The following SHPRH variants were observed in gnomAD, a reference collection of about 807,000 sequenced individuals.
SHPRH encodes E3 ubiquitin-protein ligase SHPRH.
A neutral mutation model predicts 202.5 loss-of-function variants in SHPRH; 106 were observed. That is an observed-to-expected ratio of 0.52 (90% CI 0.45 to 0.62). SHPRH has a LOEUF of 0.62. Among genes scored for constraint, SHPRH ranks in the 20% least tolerant of loss-of-function variants. The pLI, the probability that SHPRH is intolerant of heterozygous loss-of-function variation, is 0.00. For synonymous variants in SHPRH, 729 were observed against 686.0 expected (o/e 1.06, Z -0.98); for missense variants, 1,710 against 2,020.0 (o/e 0.85, Z 2.94).
At chr6:145,883,807 T>G (rs990701198), downstream of SHPRH, 1 of 152,236 alleles carries the variant, frequency 6.6e-6, no homozygotes, top group Non-Finnish European at 1.5e-5. Flanking sequence ...CACTCATTTT[T>G]TTTTTTACAT....
At chr6:145,929,896 T>A (rs938198538) in intron 14 of SHPRH, among the ~76,000 whole-genome samples, 1 of 152,116 alleles carries the variant, frequency 6.6e-6, no homozygotes, top group African/African-American at 2.4e-5. Context: ...CCATAACCAA[T>A]AACATCATTC....
chr6:145,941,629 T>C lies in SHPRH; in HGVS notation c.2484A>G (p.Thr828=). ...LDEAQMVECP[T]VKAAEMAQRL... is the part of the protein sequence containing the mutation. The stretch of plus-strand genomic sequence containing the variant: ...ATTTTGCAGAAACTCTCACTTTTAC[T>C]GTGGGACACTCAACCATCTGAGCTT... The change falls in exon 10 of 30, where the codon ACA becomes ACG. Residue 828 remains threonine, a synonymous_variant. Coordinates refer to ENST00000275233, the MANE Select transcript of SHPRH (RefSeq NM_001042683.3). 6.2e-7 allele frequency: 1 copy of C among 1,613,754 alleles called. No homozygotes were observed. Among genetic ancestry groups the C allele is most frequent in the Non-Finnish European group, 8.5e-7 (1 of 1,179,780 alleles).
At chr6:145,902,976 G>C (rs1169356057) in intron 25 of SHPRH, among the ~76,000 whole-genome samples, 4 of 151,998 alleles carry the variant, frequency 2.6e-5, no homozygotes, top group Non-Finnish European at 5.9e-5. Context: ...GCAAGCTATG[G>C]CTAACTTTAA....
chr6:145,867,208 T>C (rs546797405), intron 2 of SHPRH, among the ~76,000 whole-genome samples: 4 of 152,214 alleles, frequency 2.6e-5, no homozygotes, highest in East Asian at 1.9e-4. Flanking sequence ...ACAGGTGCAC[T>C]AAACATCTTG....
At chr6:145,911,094 G>A (rs1381031411) in intron 24 of SHPRH, among the ~76,000 whole-genome samples, 1 of 151,904 alleles carries the variant, frequency 6.6e-6, no homozygotes, top group African/African-American at 2.4e-5. Flanking sequence ...AAATGGTTCT[G>A]GTTATTTAAA....
chr6:145,927,642 C>T (rs1011781165), intron 14 of SHPRH, among the ~76,000 whole-genome samples: 2 of 151,270 alleles, frequency 1.3e-5, no homozygotes, highest in Non-Finnish European at 3.0e-5. Flanking sequence ...AATCAGTAGT[C>T]ATTATGATGT....
chr6:145,945,383 G>A lies in SHPRH; in HGVS notation c.1576C>T (p.Gln526Ter). Residue 526 changes from glutamine to a stop codon, truncating the protein, a stop_gained and splice_region_variant, in exon 8 of 30, where the codon CAG becomes TAG. Coordinates refer to ENST00000275233, the MANE Select transcript of SHPRH (RefSeq NM_001042683.3). LOFTEE classifies it high-confidence loss of function. ...GAGCTGAACTTAAGCTCTGTTACCT[G>A]CTTTTTTGTTTTATCACATATATCC... ...EEDICDKTKK[Q>*]AVGSPRKIQK... is the part of the protein sequence containing the mutation. 3 of 1,608,152 alleles carry A rather than the reference G, an allele frequency of 1.9e-6. No individual in the cohort carries two copies. Among genetic ancestry groups the A allele is most frequent in the Non-Finnish European group, 2.5e-6 (3 of 1,177,768 alleles).
At chr6:145,924,916 A>G in intron 16 of SHPRH, 70 bp from the exon 17 acceptor site, 1 of 1,228,342 alleles carries the variant, frequency 8.1e-7, no homozygotes, top group South Asian at 1.3e-5. Context: ...TGTTTCAAGA[A>G]GAATGGGTCA....
At chr6:145,890,605 C>T (rs1363423572) in intron 28 of SHPRH, among the ~76,000 whole-genome samples, 1 of 152,130 alleles carries the variant, frequency 6.6e-6, no homozygotes, top group South Asian at 2.1e-4. Flanking sequence ...CTTTGGTGCC[C>T]TGGAGTTCAG....
chr6:145,893,187 T>C, intron 28 of SHPRH, 28 bp downstream of exon 28: 1 of 1,485,510 alleles, frequency 6.7e-7, no homozygotes, highest in Non-Finnish European at 8.9e-7. Flanking sequence ...CTGAAGCAAA[T>C]GTGACTGATT....
chr6:145,940,911 G>A, intron 10 of SHPRH, 110 bp from the exon 11 acceptor site: 2 of 953,482 alleles, frequency 2.1e-6, no homozygotes, highest in Admixed American at 2.0e-5. Context: ...CACTTCTGGT[G>A]AGATGTACCT....
chr6:145,922,681 G>T lies in SHPRH; in HGVS notation c.3701C>A (p.Ala1234Asp), dbSNP rs1408162293. ...ESATVCHLRP[A>D]RLPLNCCVFC... Reference sequence around the variant, plus strand: ...TACCTACCAGTTGAGAGGAAGTCTGGCTGGTCGGAGGTGACAGACTGTTGC... The same window carrying T: ...TACCTACCAGTTGAGAGGAAGTCTGTCTGGTCGGAGGTGACAGACTGTTGC... Residue 1234 changes from alanine (A) to aspartate (D), a missense_variant, in exon 19 of 30, where the codon GCC (alanine) becomes GAC (aspartate). Transcript: ENST00000275233. 4.4e-6 allele frequency: 7 copies of T among 1,605,656 alleles called. No homozygotes were observed. Among genetic ancestry groups the T allele is most frequent in the Non-Finnish European group, 5.9e-6 (7 of 1,176,630 alleles).
chr6:145,936,878 T>C (rs1258370919), intron 11 of SHPRH, among the ~76,000 whole-genome samples: 1 of 152,018 alleles, frequency 6.6e-6, no homozygotes, highest in African/African-American at 2.4e-5. Flanking sequence ...TCAAATCAAT[T>C]CAATTGCTAT....
rs754346455 is a variant in SHPRH, at chr6:145,952,335, A to C, written c.763+14T>G. 2 of 1,576,912 alleles carry C rather than the reference A, an allele frequency of 1.3e-6. No individual in the cohort carries two copies. Among genetic ancestry groups the C allele is most frequent in the Admixed American group, 1.8e-5 (1 of 55,998 alleles). On this transcript the variant is annotated intron_variant, in intron 3 of 29. Transcript: ENST00000275233. ...CTAAGTAATAGCAATTTTTAAGTTT[A>C]CTGTAAATATTACCTGGAATAATAG... is the stretch of plus-strand genomic sequence containing the variant.
chr6:145,884,116 T>C (rs1780791691), downstream of SHPRH: 1 of 152,212 alleles, frequency 6.6e-6, no homozygotes, highest in Non-Finnish European at 1.5e-5. Flanking sequence ...GTTAAATTCA[T>C]TTCCTAAATA....
At chr6:145,875,716 T>G (rs375221855) in intron 2 of SHPRH, among the ~76,000 whole-genome samples, 1 of 152,332 alleles carries the variant, frequency 6.6e-6, no homozygotes, top group African/African-American at 2.4e-5. Flanking sequence ...GTTTCATGTT[T>G]AACAACTTTA....
In SHPRH at chr6:145,913,399, G is replaced by A. The variant is rs77459910; in HGVS notation, c.4326+79C>T. 8.1e-3 allele frequency: 10,834 copies of A among 1,332,498 alleles called. 679 individuals are homozygous for A. The African/African-American group carries it at 0.14, about 17-fold the overall frequency. The allele number at this position is 1,332,498 out of a possible 1,614,324, so 82.5% of individuals were successfully genotyped here. The stretch of plus-strand genomic sequence containing the variant: ...CATAGAAACTAGTGGTGAGAAAAAC[G>A]AGAGAAAGATTTTATGTAGAAACCT... On this transcript the variant is annotated intron_variant, in intron 24 of 29. Transcript: ENST00000275233.
At chr6:145,952,545 G>A (rs545042151) in intron 2 of SHPRH, 67 bp from the exon 3 acceptor site, 3 of 1,453,020 alleles carry the variant, frequency 2.1e-6, no homozygotes, top group Non-Finnish European at 1.8e-6. Context: ...GAGGACATAA[G>A]CAAGAAAAAA....
At chr6:145,882,629 T>A (rs1780662366), downstream of SHPRH, among the ~76,000 whole-genome samples, 1 of 152,188 alleles carries the variant, frequency 6.6e-6, no homozygotes, top group Admixed American at 6.5e-5. Context: ...GCAATGATGC[T>A]CTCAGTCAAT....
Sources: allele counts gnomAD v4.1 joint callset (sites outside exome capture counted in the v4.1 genomes callset), GRCh38; gene constraint gnomAD v4.1.1; transcripts MANE v1.5; gene names NCBI Gene and HGNC (gene_info 2026-07-23, HGNC 2026-07-21).